The following GFRA1 variants were observed in gnomAD, a reference collection of about 807,000 sequenced individuals.
The protein encoded by GFRA1 is GDNF family receptor alpha-1.
A neutral mutation model predicts 51.6 loss-of-function variants in GFRA1; 16 were observed. The ratio of observed to expected loss-of-function variants is 0.31; its 90% CI spans 0.21 to 0.47. The LOEUF (loss-of-function observed/expected upper bound fraction) is 0.47. Among genes scored for constraint, GFRA1 ranks in the 20% least tolerant of loss-of-function variants. GFRA1 has a pLI of 1.00. For missense variants in GFRA1, 530 were observed against 594.3 expected (o/e 0.89, Z 1.13); for synonymous variants, 270 against 241.3 (o/e 1.12, Z -1.10).
At chr10:116,096,030 A>G (rs918732704) in intron 7 of GFRA1, among the ~76,000 whole-genome samples, 1 of 152,002 alleles carries the variant, frequency 6.6e-6, no homozygotes, top group Non-Finnish European at 1.5e-5. Context: ...GCGTAATCAC[A>G]CTGCTCAGAA....
chr10:116,146,414 G>T (rs1958804207), intron 5 of GFRA1, among the ~76,000 whole-genome samples: 1 of 152,190 alleles, frequency 6.6e-6, no homozygotes, highest in Non-Finnish European at 1.5e-5. Context: ...AATTTGACAT[G>T]TTTAATGATT....
At chr10:116,168,713 C>T (rs934868239) in intron 5 of GFRA1, among the ~76,000 whole-genome samples, 1 of 152,168 alleles carries the variant, frequency 6.6e-6, no homozygotes, top group Non-Finnish European at 1.5e-5. Context: ...CACCGTCTGT[C>T]CAGCAGAGGC....
chr10:116,200,242 G>A (rs911068185), intron 5 of GFRA1, among the ~76,000 whole-genome samples: 15 of 152,128 alleles, frequency 9.9e-5, no homozygotes, highest in African/African-American at 2.7e-4. Flanking sequence ...TCTCTGGCCC[G>A]ATTATGGCAC....
intron 9 of GFRA1, among the ~76,000 whole-genome samples, chr10:116,075,880 G>A (rs1266611701): frequency 1.3e-5 from 2 of 152,100 alleles, no homozygotes. Flanking sequence ...AAGTAGCTGG[G>A]ACTACAGGTG....
At chr10:116,237,023 GAAGT>G (rs369584256) in intron 4 of GFRA1, among the ~76,000 whole-genome samples, 8 of 152,292 alleles carry the variant, frequency 5.3e-5, no homozygotes, top group East Asian at 1.9e-4. Flanking sequence ...TATTTTATAA[GAAGT>G]AATATATGTA....
chr10:116,261,670 C>T (rs74158428), intron 4 of GFRA1, among the ~76,000 whole-genome samples: 4,943 of 152,146 alleles, frequency 0.032, 258 homozygotes, highest in African/African-American at 0.11. Flanking sequence ...AAGACATATG[C>T]CAAGATCACA....
intron 9 of GFRA1, among the ~76,000 whole-genome samples, chr10:116,078,916 T>C (rs894956183): frequency 3.3e-5 from 5 of 152,096 alleles, no homozygotes; most frequent in African/African-American, 9.7e-5. Flanking sequence ...TGTCTGGTGC[T>C]AGTTTTCTAA....
intron 4 of GFRA1, among the ~76,000 whole-genome samples, chr10:116,257,774 G>A (rs984477171): frequency 3.3e-5 from 5 of 152,198 alleles, no homozygotes; most frequent in African/African-American, 4.8e-5. Flanking sequence ...GCAATGCTGA[G>A]ACAAATTAGC....
At chr10:116,106,422 A>T (rs1339352218) in intron 6 of GFRA1, among the ~76,000 whole-genome samples, 1 of 152,218 alleles carries the variant, frequency 6.6e-6, no homozygotes, top group Non-Finnish European at 1.5e-5. Context: ...CAAGTATCTT[A>T]GCTTCTCTGA....
chr10:116,256,259 T>C (rs916505318), intron 4 of GFRA1, among the ~76,000 whole-genome samples: 8 of 152,174 alleles, frequency 5.3e-5, no homozygotes, highest in Non-Finnish European at 5.9e-5. Flanking sequence ...TCCAAGGTTT[T>C]TGCTCCTTGC....
intron 4 of GFRA1, among the ~76,000 whole-genome samples, chr10:116,219,769 GA>G (rs563009778): frequency 2.2e-3 from 333 of 152,346 alleles, no homozygotes; most frequent in African/African-American, 7.6e-3. Flanking sequence ...TCTTCCAGAA[GA>G]AATTACGTTA....
intron 5 of GFRA1, among the ~76,000 whole-genome samples, chr10:116,178,566 T>C (rs2134260587): frequency 6.6e-6 from 1 of 152,332 alleles, no homozygotes; most frequent in Admixed American, 6.5e-5. Context: ...TCATATCCAA[T>C]GAACAACTTC....
chr10:116,226,406 T>C (rs1011089826), intron 4 of GFRA1, among the ~76,000 whole-genome samples: 3 of 152,314 alleles, frequency 2.0e-5, no homozygotes, highest in Admixed American at 6.5e-5. Context: ...GCTGAGATGA[T>C]AGACCACTAT....
chr10:116,133,170 C>T (rs924260297), intron 5 of GFRA1, among the ~76,000 whole-genome samples: 1 of 152,012 alleles, frequency 6.6e-6, no homozygotes, highest in Non-Finnish European at 1.5e-5. Flanking sequence ...AGTGCATATG[C>T]GAGTGGGTTG....
At chr10:116,138,888 T>C (rs993437451) in intron 5 of GFRA1, among the ~76,000 whole-genome samples, 14 of 152,220 alleles carry the variant, frequency 9.2e-5, no homozygotes, top group African/African-American at 2.9e-4. Flanking sequence ...AGATTCCCAT[T>C]GGAAGGACGA....
At chr10:116,231,406 T>C (rs184069620) in intron 4 of GFRA1, among the ~76,000 whole-genome samples, 19 of 152,316 alleles carry the variant, frequency 1.2e-4, no homozygotes, top group African/African-American at 4.3e-4. Flanking sequence ...CAAAATGTTA[T>C]AATTAAAAGT....
chr10:116,211,663 A>T lies in GFRA1; in HGVS notation c.419-18T>A, dbSNP rs1965204414. 6.5e-7 allele frequency: 1 copy of T among 1,547,688 alleles called. No homozygotes were observed. The highest frequency in any genetic ancestry group is 1.2e-5 in the South Asian group (1 of 84,004). On this transcript the variant is annotated intron_variant, in intron 4 of 10. Transcript: ENST00000355422. ...AAAAACATCTGCCAAGAAAGAAGAA[A>T]AGTAGGGGAGGGGAGAGGGGAGAAA...
chr10:116,222,948 G>C (rs1966027122), intron 4 of GFRA1, among the ~76,000 whole-genome samples: 1 of 152,134 alleles, frequency 6.6e-6, no homozygotes, highest in Non-Finnish European at 1.5e-5. Flanking sequence ...TATTTACACT[G>C]TATCATGTAT....
intron 5 of GFRA1, among the ~76,000 whole-genome samples, chr10:116,142,788 T>C (rs1190281610): frequency 1.3e-5 from 2 of 152,220 alleles, no homozygotes; most frequent in East Asian, 3.8e-4. Flanking sequence ...CCCATATTTA[T>C]CTACAAATTA....
Sources: gnomAD v4.1 joint callset for allele counts (sites outside exome capture counted in the v4.1 genomes callset) on GRCh38, gnomAD v4.1.1 for gene constraint, MANE v1.5 for transcripts, NCBI Gene and HGNC (gene_info 2026-07-23, HGNC 2026-07-21) for gene names.